The following SYNE1 variants were observed in gnomAD, a reference collection of about 807,000 sequenced individuals.
SYNE1 encodes spectrin repeat containing nuclear envelope protein 1.
Under a neutral mutation model 1,111.0 loss-of-function variants are expected in SYNE1, and 616 were observed. The observed-to-expected ratio is 0.55, with a 90% CI of 0.52 to 0.59. The LOEUF (loss-of-function observed/expected upper bound fraction) is 0.59, where lower values mean the gene tolerates loss of function less well. Ranked by LOEUF, SYNE1 falls within the 20% of genes least tolerant of loss-of-function variation. The pLI is 0.00. For synonymous variants in SYNE1, 3,855 were observed against 3,825.8 expected (o/e 1.01, Z -0.28); for missense variants, 10,006 against 10,417.0 (o/e 0.96, Z 1.72).
chr6:152,561,360 G>T (rs1038601557), intron 3 of SYNE1, among the ~76,000 whole-genome samples: 29 of 151,934 alleles, frequency 1.9e-4, no homozygotes, highest in Admixed American at 1.8e-3. Flanking sequence ...ATACTTAGGA[G>T]TAAATTTAAC....
At chr6:152,504,569 C>A (rs1054446096) in intron 9 of SYNE1, among the ~76,000 whole-genome samples, 1 of 152,120 alleles carries the variant, frequency 6.6e-6, no homozygotes, top group Middle Eastern at 3.2e-3. Flanking sequence ...ATTGCCAGCC[C>A]AAATAAGAAA....
intron 14 of SYNE1, among the ~76,000 whole-genome samples, chr6:152,482,784 T>C (rs138883120): frequency 6.6e-6 from 1 of 152,110 alleles, no homozygotes; most frequent in South Asian, 2.1e-4. Flanking sequence ...TGTAAATGCA[T>C]ACCATCTATG....
chr6:152,184,449 A>G (rs1234733525), intron 128 of SYNE1, among the ~76,000 whole-genome samples: 1 of 143,860 alleles, frequency 7.0e-6, no homozygotes, highest in East Asian at 2.2e-4. Context: ...AAAAAAAAAA[A>G]AAAAAAAGAA....
At chr6:152,630,274 G>C (rs978635453) in intron 2 of SYNE1, among the ~76,000 whole-genome samples, 1 of 152,176 alleles carries the variant, frequency 6.6e-6, no homozygotes, top group Non-Finnish European at 1.5e-5. Flanking sequence ...TTGGTAGGAA[G>C]ATAGAGGCAA....
chr6:152,362,462 G>T, intron 63 of SYNE1, 139 bp from the exon 64 acceptor site: 1 of 1,121,626 alleles, frequency 8.9e-7, no homozygotes, highest in Non-Finnish European at 1.3e-6. Context: ...TGAGCAGGCT[G>T]CCCAGGGCTT....
chr6:152,127,950 T>A (rs529015818), intron 145 of SYNE1: 1 of 152,310 alleles, frequency 6.6e-6, no homozygotes, highest in South Asian at 2.1e-4. Context: ...TCCATCTTAG[T>A]TCTCTGTAAA....
In SYNE1 at chr6:152,433,922, T is replaced by C; in HGVS notation, c.4334A>G (p.Lys1445Arg). 2 of 1,613,602 alleles carry C rather than the reference T, an allele frequency of 1.2e-6. No individual in the cohort carries two copies. Among genetic ancestry groups the C allele is most frequent in the Non-Finnish European group, 1.7e-6 (2 of 1,179,736 alleles). The change falls in exon 34 of 146, where the codon AAA becomes AGA. Residue 1445 changes from lysine (K) to arginine (R), a missense_variant. Around this residue, in one of 7 missense-constraint regions of SYNE1, gnomAD observed 1,971 missense variants for 2,084.1 expected, o/e 0.95. Coordinates refer to ENST00000367255, the MANE Select transcript of SYNE1 (RefSeq NM_182961.4). ...EEDIKTMEMV[K>R]TKWDHFGSNF... The stretch of plus-strand genomic sequence containing the variant: ...ACTGCCAAAATGATCCCACTTGGTT[T>C]TCACCATTTCCATGGTTTTAATACT...
chr6:152,219,113 G>C lies in SYNE1; in HGVS notation c.21934C>G (p.Gln7312Glu). ...FLHELGEQLKQQVDASAASAI... is the reference protein window; with the variant it reads ...FLHELGEQLKEQVDASAASAI... ...GATGCTGCGGAAGCATCCACTTGTT[G>C]CTTCAGTTGCTCTCCCAGCTCATGG... The change falls in exon 120 of 146, where the codon CAA becomes GAA. Residue 7312 changes from glutamine (Q) to glutamate (E), a missense_variant. Gln to Glu is a conservative substitution (Grantham distance 29). Transcript: ENST00000367255. 6.2e-7 allele frequency: 1 copy of C among 1,614,108 alleles called. No homozygotes were observed. Among genetic ancestry groups the C allele is most frequent in the Non-Finnish European group, 8.5e-7 (1 of 1,179,994 alleles).
At chr6:152,365,041 T>A in intron 62 of SYNE1, 22 bp from the exon 63 acceptor site, 1 of 1,613,664 alleles carries the variant, frequency 6.2e-7, no homozygotes, top group South Asian at 1.1e-5. Context: ...CATACAGAAG[T>A]CCTTTGTCAT....
intron 3 of SYNE1, among the ~76,000 whole-genome samples, chr6:152,590,832 T>A (rs2099557545): frequency 6.6e-6 from 1 of 152,230 alleles, no homozygotes; most frequent in South Asian, 2.1e-4. Flanking sequence ...AGTTCTGGCT[T>A]TGTTCTTTTT....
chr6:152,152,667 A>G (rs1229635621), intron 133 of SYNE1, among the ~76,000 whole-genome samples: 3 of 152,218 alleles, frequency 2.0e-5, no homozygotes, highest in Non-Finnish European at 4.4e-5. Context: ...AAAAAACTTA[A>G]AACTACCTTT....
intron 101 of SYNE1, 55 bp downstream of exon 101, chr6:152,261,977 G>T: frequency 6.9e-7 from 1 of 1,448,824 alleles, no homozygotes; most frequent in Non-Finnish European, 9.4e-7. Flanking sequence ...TAATCCCTCA[G>T]CATAAACTCT....
intron 12 of SYNE1, among the ~76,000 whole-genome samples, chr6:152,487,065 A>ATT (rs1005482446): frequency 6.6e-6 from 1 of 152,182 alleles, no homozygotes; most frequent in Non-Finnish European, 1.5e-5. Flanking sequence ...TCCAACTTTT[A>ATT]TTTTAAGTTC....
Position 152,301,949 on chromosome 6 carries a change from C to A in SYNE1, c.17461G>T (p.Val5821Phe). 6.2e-7 allele frequency: 1 copy of A among 1,614,234 alleles called. No homozygotes were observed. Among genetic ancestry groups the A allele is most frequent in the South Asian group, 1.1e-5 (1 of 91,088 alleles). Reference protein sequence around the residue: ...HATMLLTVTEVEGLAEGTEDL... With the variant: ...HATMLLTVTEFEGLAEGTEDL... ...TCTGTCCCTTCCGCCAGCCCCTCGA[C>A]CTCGGTCACCGTCAGCAGCATGGTG... The change falls in exon 92 of 146, where the codon GTC (valine) becomes TTC (phenylalanine). Residue 5821 changes from valine to phenylalanine, a missense_variant. Around this residue, in one of 7 missense-constraint regions of SYNE1, gnomAD observed 4,955 missense variants for 5,017.2 expected, o/e 0.99. Coordinates refer to ENST00000367255, the MANE Select transcript of SYNE1 (RefSeq NM_182961.4).
chr6:152,230,731 C>G (rs1347873328), intron 114 of SYNE1, 29 bp from the exon 115 acceptor site: 1 of 1,610,556 alleles, frequency 6.2e-7, no homozygotes, highest in Non-Finnish European at 8.5e-7. Flanking sequence ...ATGAAATTTG[C>G]AACTTTATTT....
intron 30 of SYNE1, among the ~76,000 whole-genome samples, chr6:152,443,134 A>G (rs1268808853): frequency 2.6e-5 from 4 of 152,206 alleles, no homozygotes; most frequent in African/African-American, 9.7e-5. Context: ...TATAAAAAGT[A>G]CCTGGCCTAA....
intron 20 of SYNE1, chr6:152,462,406 A>T: frequency 2.4e-6 from 1 of 419,460 alleles, no homozygotes; most frequent in Non-Finnish European, 4.2e-6. Flanking sequence ...CAAATACCAC[A>T]GTTCATGCAA....
chr6:152,434,403 T>C (rs1356028068), intron 33 of SYNE1: 1 of 162,790 alleles, frequency 6.1e-6, no homozygotes, highest in African/African-American at 2.4e-5. Context: ...AATACCTTTA[T>C]AAACTGCATC....
chr6:152,557,999 C>A (rs538848992), intron 3 of SYNE1, among the ~76,000 whole-genome samples: 1 of 152,038 alleles, frequency 6.6e-6, no homozygotes, highest in Non-Finnish European at 1.5e-5. Flanking sequence ...ACTAAAGCTA[C>A]AACAATTTGT....
Sources: gnomAD v4.1 joint callset for allele counts (sites outside exome capture counted in the v4.1 genomes callset) on GRCh38, gnomAD v4.1.1 for gene constraint, gnomAD v4.1.1 regional missense constraint, MANE v1.5 for transcripts, NCBI Gene and HGNC (gene_info 2026-07-23, HGNC 2026-07-21) for gene names.